GIGYF2: variants seen among roughly 807,000 people sequenced by gnomAD.
The protein encoded by GIGYF2 is GRB10-interacting GYF protein 2.
GIGYF2 carries 25 observed loss-of-function variants against 208.1 expected under a neutral mutation model. The ratio of observed to expected loss-of-function variants is 0.12; its 90% CI spans 0.09 to 0.17. GIGYF2 has a LOEUF of 0.17. Among genes scored for constraint, GIGYF2 ranks in the 10% least tolerant of loss-of-function variants. The pLI is 1.00. For missense variants in GIGYF2, 1,302 were observed against 1,579.4 expected, an observed-to-expected ratio of 0.82 and a Z score of 2.98; for synonymous variants, 534 against 543.8, an observed-to-expected ratio of 0.98 and a Z score of 0.25.
intron 23 of GIGYF2, among the ~76,000 whole-genome samples, chr2:232,841,123 G>A (rs1177244088): frequency 6.6e-6 from 1 of 151,230 alleles, no homozygotes; most frequent in Admixed American, 6.6e-5. Flanking sequence ...TTCTCTAAAA[G>A]GTTATCAACA....
At chr2:232,755,466 C>A (rs1258666006) in intron 5 of GIGYF2, among the ~76,000 whole-genome samples, 2 of 152,214 alleles carry the variant, frequency 1.3e-5, no homozygotes, top group African/African-American at 4.8e-5. Context: ...CCACGCCTGG[C>A]CTTTTACCTT....
chr2:232,712,980 A>G (rs1004118681), intron 2 of GIGYF2, among the ~76,000 whole-genome samples: 2 of 152,224 alleles, frequency 1.3e-5, no homozygotes. Flanking sequence ...TCCACCATCC[A>G]GTACTATAAC....
intron 2 of GIGYF2, among the ~76,000 whole-genome samples, chr2:232,714,689 T>A (rs1411719653): frequency 2.6e-5 from 4 of 152,204 alleles, no homozygotes; most frequent in Non-Finnish European, 5.9e-5. Context: ...TTTGTAGTCA[T>A]TTTTCCTCCT....
Position 232,761,543 on chromosome 2 carries a change from C to T in GIGYF2, c.532+107C>T, listed in dbSNP as rs1184941037. Reference sequence around the variant, plus strand: ...GCAGCATTTCCTGCATTTAAACTTCCACGGTTATTTGAAGTCTCTACTGCA... The same window carrying T: ...GCAGCATTTCCTGCATTTAAACTTCTACGGTTATTTGAAGTCTCTACTGCA... On this transcript the variant is annotated intron_variant, in intron 8 of 28. Transcript: ENST00000373563. 20 of 708,148 alleles carry T rather than the reference C, an allele frequency of 2.8e-5. No homozygotes were observed. The South Asian group carries it at 2.9e-4, about 10-fold the overall frequency. The allele number at this position is 708,148 out of a possible 1,614,324, so 43.9% of individuals were successfully genotyped here. A position where few individuals can be genotyped will look rare whatever the true frequency, so the allele number is the denominator to read the frequency against.
chr2:232,851,413 A>ATTTTTTTTTTTTTTTTTT (rs5839451), intron 28 of GIGYF2, among the ~76,000 whole-genome samples: 1 of 149,084 alleles, frequency 6.7e-6, no homozygotes, highest in Non-Finnish European at 1.5e-5. Flanking sequence ...TGAAACTAAC[A>ATTTTTTTTTTTTTTTTTT]TTTTTTTTTT....
At chr2:232,731,983 A>C (rs1015803108) in intron 2 of GIGYF2, among the ~76,000 whole-genome samples, 1 of 152,230 alleles carries the variant, frequency 6.6e-6, no homozygotes, top group Admixed American at 6.5e-5. Flanking sequence ...AAGTAAAATA[A>C]ATTTGTTAAG....
At chr2:232,797,189 T>C (rs564204920) in intron 14 of GIGYF2, among the ~76,000 whole-genome samples, 12 of 152,168 alleles carry the variant, frequency 7.9e-5, no homozygotes, top group African/African-American at 2.6e-4. Context: ...TTGTGTGGTG[T>C]GTAAGTTCGA....
At position 232,787,181 on chromosome 2, in the gene GIGYF2, A is replaced by T; in HGVS notation, c.564A>T (p.Thr188=). 6.2e-7 allele frequency: 1 copy of T among 1,614,110 alleles called. No individual in the cohort carries two copies. Residue 188 remains threonine (T), a synonymous_variant, in exon 9 of 29, where the codon ACA becomes ACT. Transcript: ENST00000373563. ...CAAATTTTGAGGAAGGTGGACCAAC[A>T]TCAGTAGGGAGAAAGCATGAATTTA... ...GRPNFEEGGP[T]SVGRKHEFIR... is the part of the protein sequence containing the mutation.
chr2:232,823,363 C>CTTTTTTT lies in GIGYF2; in HGVS notation c.2529+3381_2529+3382insTTTTTTT, dbSNP rs368386641. ...TTTTCTTTCTCTTTTTCCTTTCTTT[C>CTTTTTTT]TTTCTTTTTTTTTTTTTTTATTGAG... On this transcript the variant is annotated intron_variant, in intron 21 of 28. Coordinates refer to ENST00000373563, the MANE Select transcript of GIGYF2 (RefSeq NM_001103146.3). 2.4e-5 allele frequency among the ~76,000 whole-genome samples: 2 copies of CTTTTTTT among 83,630 alleles called. 1 individual carries two copies. The allele number at this position is 83,630 out of a possible 152,430, so 54.9% of individuals were successfully genotyped here. A position where few individuals can be genotyped will look rare whatever the true frequency, so the allele number is the denominator to read the frequency against.
At chr2:232,818,798 A>G (rs1243099521) in intron 20 of GIGYF2, among the ~76,000 whole-genome samples, 2 of 152,096 alleles carry the variant, frequency 1.3e-5, no homozygotes, top group South Asian at 2.1e-4. Flanking sequence ...TAGCTGTATT[A>G]AATTTCATTT....
rs190069124 is a variant in GIGYF2 at position 232,784,590 on chromosome 2, T to C, written c.533-2560T>C. Among the ~76,000 whole-genome samples, 668 of 139,790 alleles carry C rather than the reference T, an allele frequency of 4.8e-3. 3 individuals carry two copies. Among genetic ancestry groups the C allele is most frequent in the African/African-American group, 0.016 (600 of 38,544 alleles). The allele number at this position is 139,790 out of a possible 152,430, so 91.7% of individuals were successfully genotyped here. ...TATTTTTAGTAGAGATGGGGTTTCA[T>C]CGTGTTAGCTTGATCTGACCTCGTG... On this transcript the variant is annotated intron_variant, in intron 8 of 28. Transcript: ENST00000373563.
At chr2:232,800,167 A>G (rs893913593) in intron 14 of GIGYF2, among the ~76,000 whole-genome samples, 1 of 150,300 alleles carries the variant, frequency 6.7e-6, no homozygotes, top group African/African-American at 2.5e-5. Flanking sequence ...TTTGTTGCCT[A>G]TGCCTTTGGT....
chr2:232,800,962 C>T (rs1391165337), intron 14 of GIGYF2, among the ~76,000 whole-genome samples: 1 of 152,090 alleles, frequency 6.6e-6, no homozygotes, highest in African/African-American at 2.4e-5. Flanking sequence ...ACTGCAACCT[C>T]TGCCTTCTGG....
intron 13 of GIGYF2, among the ~76,000 whole-genome samples, chr2:232,795,468 G>A (rs1700196665): frequency 1.3e-5 from 2 of 152,192 alleles, no homozygotes; most frequent in African/African-American, 4.8e-5. Flanking sequence ...AAAGGAAAAA[G>A]CGAGATAGTG....
At chr2:232,756,162 TC>T in intron 5 of GIGYF2, 60 bp from the exon 6 acceptor site, 1 of 974,304 alleles carries the variant, frequency 1.0e-6, no homozygotes, top group Non-Finnish European at 1.6e-6. Flanking sequence ...TTTATCTGTT[TC>T]ATCCATTTTT....
At chr2:232,809,496 C>G (rs1256135112) in intron 15 of GIGYF2, among the ~76,000 whole-genome samples, 1 of 152,190 alleles carries the variant, frequency 6.6e-6, no homozygotes, top group East Asian at 1.9e-4. Flanking sequence ...GACCCTTTCT[C>G]ACCTTAGGGA....
chr2:232,836,300 AT>A (rs1559160494), intron 22 of GIGYF2, among the ~76,000 whole-genome samples: 1,080 of 19,490 alleles, frequency 0.055, 182 homozygotes, highest in East Asian at 0.075. Context: ...ATATATATAT[AT>A]ATATATATAT....
chr2:232,816,772 C>T (rs1025228020), intron 19 of GIGYF2, 99 bp from the exon 20 acceptor site: 1 of 886,984 alleles, frequency 1.1e-6, no homozygotes, highest in African/African-American at 1.6e-5. Context: ...CAGTACGGTA[C>T]AAGCAGCTGA....
intron 14 of GIGYF2, among the ~76,000 whole-genome samples, chr2:232,803,219 A>G (rs541442514): frequency 3.3e-5 from 5 of 152,282 alleles, no homozygotes; most frequent in African/African-American, 4.8e-5. Context: ...TACTGATTCT[A>G]GATACTAGTC....
Sources: gnomAD v4.1 joint callset for allele counts (sites outside exome capture counted in the v4.1 genomes callset) on GRCh38, gnomAD v4.1.1 for gene constraint, MANE v1.5 for transcripts, NCBI Gene and HGNC (gene_info 2026-07-23, HGNC 2026-07-21) for gene names.